Variants in RXFP2 observed in about 807,000 individuals in gnomAD.
RXFP2 encodes the protein relaxin family peptide receptor 2.
Under a neutral mutation model 88.6 loss-of-function variants are expected in RXFP2, and 68 were observed. The ratio of observed to expected loss-of-function variants is 0.77; its 90% CI spans 0.63 to 0.94. The LOEUF is 0.94. Among genes scored for constraint, RXFP2 ranks in the 40% least tolerant of loss-of-function variants. RXFP2 has a pLI of 0.00. For synonymous variants in RXFP2, 329 were observed against 306.8 expected (o/e 1.07, Z -0.76); for missense variants, 791 against 893.9 (o/e 0.88, Z 1.47).
rs768995785 is a variant in RXFP2, at chr13:31,761,681, T to C, written c.242-43T>C. On this transcript the variant is annotated intron_variant, in intron 2 of 17. Coordinates refer to ENST00000298386, the MANE Select transcript of RXFP2 (RefSeq NM_130806.5). ...TTGTTAAATTTTGTCAGATGGTATT[T>C]AGTTTCTAGAATAAGTGACACATCT... 8.5e-6 allele frequency: 11 copies of C among 1,295,912 alleles called. No individual in the cohort carries two copies. In the East Asian group the frequency reaches 2.3e-4, roughly 27 times the overall value. The allele number at this position is 1,295,912 out of a possible 1,614,324, so 80.3% of individuals were successfully genotyped here. A position where few individuals can be genotyped will look rare whatever the true frequency, so the allele number is the denominator to read the frequency against.
Position 31,775,044 on chromosome 13 carries a change from A to T in RXFP2, c.570-274A>T, listed in dbSNP as rs147142930. Among the ~76,000 whole-genome samples the T allele has an allele frequency of 2.0e-5, 3 of 152,328 alleles. No individual in the cohort carries two copies. The East Asian group carries it at 5.8e-4, about 29-fold the overall frequency. On this transcript the variant is annotated intron_variant, in intron 6 of 17. Coordinates refer to ENST00000298386, the MANE Select transcript of RXFP2 (RefSeq NM_130806.5). ...AAAGCAAAAATTGCCCCACATACTT[A>T]GTTATTATACCCTTACAATCTAACA...
intron 14 of RXFP2, 61 bp from the exon 15 acceptor site, chr13:31,791,745 C>A: frequency 8.6e-7 from 1 of 1,167,726 alleles, no homozygotes. Flanking sequence ...CCCGATAGGA[C>A]TGCAACTGTA....
Position 31,761,945 on chromosome 13 carries a change from C to T in RXFP2, c.319+144C>T, listed in dbSNP as rs1330205315. 5 of 627,946 alleles carry T rather than the reference C, an allele frequency of 8.0e-6. No individual in the cohort carries two copies. In the East Asian group the frequency reaches 1.5e-4, roughly 19 times the overall value. The allele number at this position is 627,946 out of a possible 1,614,324, so 38.9% of individuals were successfully genotyped here. ...TTTCACTGGCTAACAGGTCTGCTGTCTGCCTGTGATTGGAAAGATAGAAAA... is the reference window on the plus strand; with the variant it reads ...TTTCACTGGCTAACAGGTCTGCTGTTTGCCTGTGATTGGAAAGATAGAAAA... On this transcript the variant is annotated intron_variant, in intron 3 of 17. Coordinates refer to ENST00000298386, the MANE Select transcript of RXFP2 (RefSeq NM_130806.5).
intron 13 of RXFP2, among the ~76,000 whole-genome samples, chr13:31,788,072 G>C (rs4943742): frequency 1.3e-5 from 2 of 151,188 alleles, no homozygotes; most frequent in East Asian, 3.9e-4. Flanking sequence ...CTATAGGTTA[G>C]TAATCAAATA....
At chr13:31,769,847 C>T (rs1177572768) in intron 5 of RXFP2, among the ~76,000 whole-genome samples, 1 of 152,156 alleles carries the variant, frequency 6.6e-6, no homozygotes, top group Admixed American at 6.5e-5. Flanking sequence ...GCTTTTCTTA[C>T]CGGAGTGTGA....
Position 31,746,365 on chromosome 13 carries a change from C to T in RXFP2, c.94+6659C>T, listed in dbSNP as rs1057324364. 3.9e-5 allele frequency among the ~76,000 whole-genome samples: 6 copies of T among 152,158 alleles called. No individual in the cohort carries two copies. In the East Asian group the frequency reaches 5.8e-4, roughly 15 times the overall value. ...TTTGACACATTAATTCTACTTGAAA[C>T]GGTGTTTTAAATTTGGGGGCAATGA... is the stretch of plus-strand genomic sequence containing the variant. On this transcript the variant is annotated intron_variant, in intron 1 of 17. Coordinates refer to ENST00000298386, the MANE Select transcript of RXFP2 (RefSeq NM_130806.5).
chr13:31,760,073 G>GTTTGT (rs1555281829), intron 2 of RXFP2, among the ~76,000 whole-genome samples: 16 of 150,674 alleles, frequency 1.1e-4, no homozygotes, highest in African/African-American at 3.7e-4. Flanking sequence ...CAGTGTTGTT[G>GTTTGT]TTGTTTGTTT....
At chr13:31,782,812 A>G in intron 11 of RXFP2, 65 bp downstream of exon 11, 3 of 1,039,306 alleles carry the variant, frequency 2.9e-6, no homozygotes, top group Admixed American at 3.6e-5. Context: ...TTAAATGACT[A>G]GTGAGACTGC....
chr13:31,784,872 T>C (rs1273045098), intron 11 of RXFP2, among the ~76,000 whole-genome samples: 1 of 152,196 alleles, frequency 6.6e-6, no homozygotes, highest in East Asian at 1.9e-4. Context: ...GCTGTCCCCC[T>C]TAACCCTCAT....
intron 10 of RXFP2, 75 bp downstream of exon 10, chr13:31,781,817 A>C (rs1873297097): frequency 8.1e-7 from 1 of 1,229,882 alleles, no homozygotes; most frequent in Admixed American, 1.8e-5. Context: ...ACATTGACAA[A>C]AAATTTTAAA....
Position 31,782,762 on chromosome 13 carries a change from C to T in RXFP2, c.929+15C>T. 2 of 1,482,280 alleles carry T rather than the reference C, an allele frequency of 1.3e-6. No homozygotes were observed. Among genetic ancestry groups the T allele is most frequent in the Non-Finnish European group, 9.4e-7 (1 of 1,060,386 alleles). The allele number at this position is 1,482,280 out of a possible 1,614,324, so 91.8% of individuals were successfully genotyped here. A position where few individuals can be genotyped will look rare whatever the true frequency, so the allele number is the denominator to read the frequency against. ...TTAGGAGAACTGTAAGTAGCATCGTCTACTAGGAAAATATGATTGCTTCTT... is the reference window on the plus strand; with the variant it reads ...TTAGGAGAACTGTAAGTAGCATCGTTTACTAGGAAAATATGATTGCTTCTT... On this transcript the variant is annotated intron_variant, in intron 11 of 17. Coordinates refer to ENST00000298386, the MANE Select transcript of RXFP2 (RefSeq NM_130806.5).
At chr13:31,769,410 A>G (rs866537369) in intron 5 of RXFP2, among the ~76,000 whole-genome samples, 1 of 152,210 alleles carries the variant, frequency 6.6e-6, no homozygotes, top group South Asian at 2.1e-4. Context: ...ACTAGCTATC[A>G]TCACCCTCCA....
chr13:31,786,310 A>G (rs1286813756), intron 11 of RXFP2, 73 bp from the exon 12 acceptor site: 4 of 1,032,576 alleles, frequency 3.9e-6, no homozygotes, highest in Non-Finnish European at 4.6e-6. Flanking sequence ...TGGGATGATG[A>G]TAATTGTGAG....
chr13:31,763,061 C>T (rs1872372024), intron 3 of RXFP2, among the ~76,000 whole-genome samples: 1 of 147,968 alleles, frequency 6.8e-6, no homozygotes, highest in Non-Finnish European at 1.5e-5. Context: ...CTGCAAAGAA[C>T]GTTTGACAGT....
intron 1 of RXFP2, among the ~76,000 whole-genome samples, chr13:31,754,734 CA>C (rs1418517800): frequency 6.6e-6 from 1 of 152,160 alleles, no homozygotes; most frequent in African/African-American, 2.4e-5. Flanking sequence ...GGTTATTTAT[CA>C]TTTACAGTCC....
At chr13:31,759,818 A>C (rs1376112282) in intron 2 of RXFP2, among the ~76,000 whole-genome samples, 1 of 151,952 alleles carries the variant, frequency 6.6e-6, no homozygotes, top group Non-Finnish European at 1.5e-5. Flanking sequence ...GCATCTCTAG[A>C]ATCTCCTGTC....
chr13:31,769,252 G>A (rs1872653081), intron 5 of RXFP2, among the ~76,000 whole-genome samples: 1 of 152,124 alleles, frequency 6.6e-6, no homozygotes, highest in African/African-American at 2.4e-5. Flanking sequence ...CTGGGGAAAT[G>A]GAATTTCAAA....
chr13:31,770,760 C>T (rs1197518622), intron 5 of RXFP2, among the ~76,000 whole-genome samples: 1 of 152,152 alleles, frequency 6.6e-6, no homozygotes, highest in Non-Finnish European at 1.5e-5. Flanking sequence ...CCCTCACTTT[C>T]CTTCTCGAAG....
intron 1 of RXFP2, among the ~76,000 whole-genome samples, chr13:31,752,754 T>C (rs2138394007): frequency 6.6e-6 from 1 of 152,294 alleles, no homozygotes; most frequent in East Asian, 1.9e-4. Context: ...GAGCTACTTC[T>C]CCTTGGCTTC....
Sources: gnomAD v4.1 joint callset for allele counts (sites outside exome capture counted in the v4.1 genomes callset) on GRCh38, gnomAD v4.1.1 for gene constraint, MANE v1.5 for transcripts, NCBI Gene and HGNC (gene_info 2026-07-23, HGNC 2026-07-21) for gene names.